The following GLI3 variants were observed in gnomAD, a reference collection of about 807,000 sequenced individuals.
GLI3 encodes the protein transcription activator GLI3.
Under a neutral mutation model 100.8 loss-of-function variants are expected in GLI3, and 20 were observed. The ratio of observed to expected loss-of-function variants is 0.20; its 90% confidence interval spans 0.14 to 0.29. The LOEUF (loss-of-function observed/expected upper bound fraction) is 0.29, where lower values mean the gene tolerates loss of function less well. Among genes scored for constraint, GLI3 ranks in the 10% least tolerant of loss-of-function variants. The pLI, the probability that GLI3 is intolerant of heterozygous loss-of-function variation, is 1.00. For synonymous variants in GLI3, 938 were observed against 860.5 expected (o/e 1.09, Z -1.58); for missense variants, 2,040 against 2,128.5 (o/e 0.96, Z 0.82).
At chr7:42,258,674 T>G (rs1447261308) in intron 1 of GLI3, among the ~76,000 whole-genome samples, 2 of 152,164 alleles carry the variant, frequency 1.3e-5, no homozygotes, top group Admixed American at 6.5e-5. Context: ...AATGACTTCT[T>G]GATTGATGAA....
Position 42,253,955 on chromosome 7 carries a change from C to T in GLI3, c.-43+10039G>A, listed in dbSNP as rs142001209. ...AAGCAATGGGCCGGACATGATGGTT[C>T]ACGCCTGTAATCCCAGCGCTCTGGG... On this transcript the variant is annotated intron_variant, in intron 1 of 2. Coordinates refer to the GLI3 transcript ENST00000678978. Among the ~76,000 whole-genome samples, 332 of 152,274 alleles carry T rather than the reference C, an allele frequency of 2.2e-3. 1 individual carries two copies. Among genetic ancestry groups the T allele is most frequent in the African/African-American group, 7.8e-3 (323 of 41,558 alleles).
chr7:42,252,716 C>T (rs1789047067), intron 1 of GLI3, among the ~76,000 whole-genome samples: 2 of 152,062 alleles, frequency 1.3e-5, no homozygotes, highest in Admixed American at 6.5e-5. Context: ...TATGAAAGTT[C>T]TAAATGATAT....
chr7:42,191,743 T>C (rs901342547), intron 2 of GLI3, among the ~76,000 whole-genome samples: 4 of 152,024 alleles, frequency 2.6e-5, no homozygotes, highest in African/African-American at 9.7e-5. Context: ...TCACTTACTT[T>C]TCACAATAAC....
chr7:42,044,176 G>A lies in GLI3; in HGVS notation c.826+1208C>T, dbSNP rs970864614. ...CTAAATAACTAGAGGACATATGCTC[G>A]CCCTCTGTCACAGAAGAATCCAAAT... On this transcript the variant is annotated intron_variant, in intron 6 of 14. Coordinates refer to ENST00000395925, the MANE Select transcript of GLI3 (RefSeq NM_000168.6). Among the ~76,000 whole-genome samples, 4 of 152,104 alleles carry A rather than the reference G, an allele frequency of 2.6e-5. No homozygotes were observed. In the East Asian group the frequency reaches 5.8e-4, roughly 22 times the overall value.
chr7:42,235,772 G>C (rs532952966), intron 1 of GLI3, among the ~76,000 whole-genome samples: 3 of 152,346 alleles, frequency 2.0e-5, no homozygotes, highest in East Asian at 3.9e-4. Flanking sequence ...CTTTGACTTG[G>C]AGACGCAGAC....
intron 2 of GLI3, among the ~76,000 whole-genome samples, chr7:42,176,908 G>C (rs550717660): frequency 2.0e-5 from 3 of 152,186 alleles, no homozygotes; most frequent in Non-Finnish European, 4.4e-5. Flanking sequence ...CAAATTTCCA[G>C]GCAGGGGGCC....
chr7:41,965,339 T>G lies in GLI3; in HGVS notation c.3734A>C (p.His1245Pro), dbSNP rs372740903. Residue 1245 changes from histidine (H) to proline (P), a missense_variant, in exon 15 of 15, where the codon CAT (histidine) becomes CCT (proline). By Grantham distance (77) the His-to-Pro change is moderately conservative. Transcript: ENST00000395925. ...PGSGTSGNAF[H>P]EQPCKAPQYG... ...CTGCGGGGCCTTACAGGGCTGTTCATGGAAGGCGTTTCCACTGGTGCCACT... is the reference window on the plus strand; with the variant it reads ...CTGCGGGGCCTTACAGGGCTGTTCAGGGAAGGCGTTTCCACTGGTGCCACT... 6.2e-7 allele frequency: 1 copy of G among 1,613,872 alleles called. No individual in the cohort carries two copies. The highest frequency in any genetic ancestry group is 1.7e-5 in the Admixed American group (1 of 60,014).
intron 2 of GLI3, among the ~76,000 whole-genome samples, chr7:42,210,351 C>T (rs145904822): frequency 4.9e-5 from 4 of 81,064 alleles, no homozygotes; most frequent in East Asian, 8.7e-4. Context: ...CCCCCCCCCC[C>T]CCCAAGTTAA....
rs1583759560 is a variant in GLI3 at position 41,987,509 on chromosome 7, T to C, written c.1498-8761A>G. Among the ~76,000 whole-genome samples the C allele has an allele frequency of 2.6e-5, 4 of 152,268 alleles. No individual in the cohort carries two copies. In the South Asian group the frequency reaches 8.3e-4, roughly 32 times the overall value. ...GATACAGTATTTTCCAGTGGGTTTC[T>C]TACTGGCCTCAGTTAATAACCTGGG... is the stretch of plus-strand genomic sequence containing the variant. On this transcript the variant is annotated intron_variant, in intron 10 of 14. Coordinates refer to ENST00000395925, the MANE Select transcript of GLI3 (RefSeq NM_000168.6).
intron 1 of GLI3, among the ~76,000 whole-genome samples, chr7:42,243,694 C>CT (rs777333822): frequency 1.3e-5 from 2 of 152,302 alleles, no homozygotes; most frequent in Non-Finnish European, 1.5e-5. Flanking sequence ...TTTCTCTCTA[C>CT]TTTTTTTAAA....
intron 1 of GLI3, among the ~76,000 whole-genome samples, chr7:42,231,637 T>A (rs1283709115): frequency 6.6e-6 from 1 of 152,186 alleles, no homozygotes; most frequent in East Asian, 1.9e-4. Flanking sequence ...TTTCCATACA[T>A]CAGAGTCATT....
intron 3 of GLI3, among the ~76,000 whole-genome samples, chr7:42,090,846 T>C (rs1410939965): frequency 6.6e-6 from 1 of 152,254 alleles, no homozygotes; most frequent in Non-Finnish European, 1.5e-5. Flanking sequence ...TATATTTTCT[T>C]GCTTATACCA....
At chr7:42,258,864 G>T (rs529824899) in intron 1 of GLI3, among the ~76,000 whole-genome samples, 3 of 152,160 alleles carry the variant, frequency 2.0e-5, no homozygotes, top group African/African-American at 7.2e-5. Flanking sequence ...ATGAATTTTG[G>T]GGGGACACAA....
chr7:41,978,144 C>G lies in GLI3; in HGVS notation c.1648-422G>C, dbSNP rs140368960. Among the ~76,000 whole-genome samples, 500 of 152,318 alleles carry G rather than the reference C, an allele frequency of 3.3e-3. 2 individuals are homozygous for G. The highest frequency in any genetic ancestry group is 5.8e-3 in the South Asian group (28 of 4,824). On this transcript the variant is annotated intron_variant, in intron 11 of 14. Coordinates refer to ENST00000395925, the MANE Select transcript of GLI3 (RefSeq NM_000168.6). ...AGGGCTCAGCGTGCCCAGTGCGCCT[C>G]GTGGGCACCTCAGTGAAGAATGCAC...
In GLI3 at chr7:41,972,823, T is replaced by C. The variant is rs940653056; in HGVS notation, c.1813-196A>G. 6.6e-6 allele frequency among the ~76,000 whole-genome samples: 1 copy of C among 152,206 alleles called. No individual in the cohort carries two copies. The highest frequency in any genetic ancestry group is 1.5e-5 in the Non-Finnish European group (1 of 68,040). On this transcript the variant is annotated intron_variant, in intron 12 of 14. Coordinates refer to ENST00000395925, the MANE Select transcript of GLI3 (RefSeq NM_000168.6). This position sits in a 1 kb window ranked among gnomAD's most constrained non-coding sequence, Gnocchi z 4.4. The stretch of plus-strand genomic sequence containing the variant: ...AACACTGTTCCGTGTCCATAGAATT[T>C]AGCTTTAATAGATTATGGCTTGAGA...
intron 6 of GLI3, among the ~76,000 whole-genome samples, chr7:42,042,800 T>C (rs1784171829): frequency 6.6e-6 from 1 of 152,194 alleles, no homozygotes; most frequent in Non-Finnish European, 1.5e-5. Flanking sequence ...CCTCCAAGAC[T>C]GGCTCTTATT....
In GLI3 at chr7:41,964,497, T is replaced by G. The variant is rs761099870; in HGVS notation, c.4576A>C (p.Ser1526Arg). ...SSLMSGALSP[S>R]IIQNLSHSSS... ...CTATGGGAAAGGTTCTGAATGATACTTGGGCTCAGGGCCCCCGACATCAGG... is the reference window on the plus strand; with the variant it reads ...CTATGGGAAAGGTTCTGAATGATACGTGGGCTCAGGGCCCCCGACATCAGG... The change falls in exon 15 of 15, where the codon AGT (serine) becomes CGT (arginine). Residue 1526 changes from serine (S) to arginine (R), a missense_variant. Transcript: ENST00000395925. The G allele has an allele frequency of 2.5e-6, 4 of 1,614,180 alleles. No homozygotes were observed. Among genetic ancestry groups the G allele is most frequent in the Non-Finnish European group, 3.4e-6 (4 of 1,179,998 alleles).
intron 4 of GLI3, among the ~76,000 whole-genome samples, chr7:42,059,616 A>G (rs1177204793): frequency 1.3e-5 from 2 of 152,246 alleles, no homozygotes; most frequent in African/African-American, 4.8e-5. Context: ...CTGTCAAAAG[A>G]GACATTCATA....
intron 6 of GLI3, among the ~76,000 whole-genome samples, chr7:42,044,849 T>G (rs565704894): frequency 9.2e-5 from 14 of 152,236 alleles, no homozygotes; most frequent in African/African-American, 3.1e-4. Flanking sequence ...TCAAATCCAT[T>G]CCCCCTTATT....
Sources: allele counts gnomAD v4.1 joint callset (sites outside exome capture counted in the v4.1 genomes callset), GRCh38; gene constraint gnomAD v4.1.1; non-coding constraint Gnocchi (gnomAD v3.1); transcripts MANE v1.5; gene names NCBI Gene and HGNC (gene_info 2026-07-23, HGNC 2026-07-21).